TPRN: variants seen among roughly 807,000 people sequenced by gnomAD.
TPRN encodes chromosome 9 open reading frame 75.
In TPRN, 32 loss-of-function variants were observed where a neutral mutation model predicts 42.6. The observed-to-expected ratio is 0.75, with a 90% CI of 0.57 to 1.01. The LOEUF (loss-of-function observed/expected upper bound fraction) is 1.01. TPRN is among the 50% of genes least tolerant of loss of function. The pLI, the probability that TPRN is intolerant of heterozygous loss-of-function variation, is 0.00. For synonymous variants in TPRN, 541 were observed against 445.6 expected (o/e 1.21, Z -2.70); for missense variants, 1,095 against 957.5 (o/e 1.14, Z -1.90).
intron 1 of TPRN, chr9:137,194,411 C>G (rs548552784): frequency 6.6e-6 from 1 of 152,466 alleles, no homozygotes; most frequent in East Asian, 1.9e-4. Context: ...GGCTAGAGCT[C>G]TCCCACAGCC....
chr9:137,192,951 C>T, intron 1 of TPRN: 4 of 544,838 alleles, frequency 7.3e-6, no homozygotes, highest in Admixed American at 3.2e-5. Context: ...AGCCCAAAGC[C>T]TCTGGGTCCC....
At chr9:137,192,764 G>A in intron 1 of TPRN, 73 bp from the exon 2 acceptor site, 2 of 1,556,916 alleles carry the variant, frequency 1.3e-6, no homozygotes, top group South Asian at 2.2e-5. Flanking sequence ...CTCAGGTTCA[G>A]CCCTCAGGAT....
intron 1 of TPRN, chr9:137,194,172 A>G (rs2131350015): frequency 6.6e-6 from 1 of 152,410 alleles, no homozygotes; most frequent in South Asian, 2.1e-4. Context: ...CAGACAAAAC[A>G]AGGAGGAAAG....
In TPRN at chr9:137,197,152, G is replaced by A. The variant is rs989734690; in HGVS notation, c.1725+1835C>T. On this transcript the variant is annotated intron_variant, in intron 1 of 3. Transcript: ENST00000409012. ...CTCACTCTGTCGCCCAGGCTGGAGT[G>A]CAATGGCGCGATCTCGGCTCACTGC... Among the ~76,000 whole-genome samples, 4 of 152,270 alleles carry A rather than the reference G, an allele frequency of 2.6e-5. No homozygotes were observed. In the South Asian group the frequency reaches 8.3e-4, roughly 32 times the overall value.
In TPRN at chr9:137,199,251, G is replaced by T; in HGVS notation, c.1461C>A (p.Pro487=). 1 of 1,612,786 alleles carries T rather than the reference G, an allele frequency of 6.2e-7. No individual in the cohort carries two copies. The highest frequency in any genetic ancestry group is 8.5e-7 in the Non-Finnish European group (1 of 1,180,010). Reference sequence around the variant, plus strand: ...GGGGCTGAAGCTCTGCCACGCACCCGGGCCTGGCAGGGTGCAGAGGCCTGG... The same window carrying T: ...GGGGCTGAAGCTCTGCCACGCACCCTGGCCTGGCAGGGTGCAGAGGCCTGG... The part of the protein sequence containing the change: ...HPARPLHPAR[P]GCVAELQPRG... Residue 487 remains proline (P), a synonymous_variant, in exon 1 of 4, where the codon CCC becomes CCA. Coordinates refer to ENST00000409012, the MANE Select transcript of TPRN (RefSeq NM_001128228.3).
rs376750243 is a variant in TPRN at position 137,192,711 on chromosome 9, G to A, written c.1726-20C>T. On this transcript the variant is annotated intron_variant, in intron 1 of 3. Transcript: ENST00000409012. ...CTTCATCTGGGAGTGAGAGTCACGT[G>A]AACGAGGGCTGAGGGCCCACATGGG... The A allele has an allele frequency of 8.3e-5, 134 of 1,612,622 alleles. No homozygotes were observed. Among genetic ancestry groups the A allele is most frequent in the Admixed American group, 1.2e-4 (7 of 60,002 alleles).
chr9:137,199,317 C>G lies in TPRN; in HGVS notation c.1395G>C (p.Glu465Asp). Reference protein sequence around the residue: ...VTFIDEVDSEEAPQAAKLPYL... With the variant: ...VTFIDEVDSEDAPQAAKLPYL... Reference sequence around the variant, plus strand: ...AGGGTAGTTTGGCTGCTTGGGGGGCCTCCTCCGAGTCTACCTCATCGATGA... The same window carrying G: ...AGGGTAGTTTGGCTGCTTGGGGGGCGTCCTCCGAGTCTACCTCATCGATGA... Residue 465 changes from glutamate to aspartate, a missense_variant, in exon 1 of 4, where the codon GAG (glutamate) becomes GAC (aspartate). Glu to Asp is a conservative substitution (Grantham distance 45). Transcript: ENST00000409012. 1.2e-6 allele frequency: 2 copies of G among 1,612,576 alleles called. No homozygotes were observed. The highest frequency in any genetic ancestry group is 8.5e-7 in the Non-Finnish European group (1 of 1,179,990).
In TPRN at chr9:137,199,964, G is replaced by T. The variant is rs989616679; in HGVS notation, c.748C>A (p.Pro250Thr). 5 of 1,481,020 alleles carry T rather than the reference G, an allele frequency of 3.4e-6. No homozygotes were observed. In the African/African-American group the frequency reaches 7.0e-5, roughly 21 times the overall value. 91.7% of individuals were successfully genotyped at this position (1,481,020 alleles called of 1,614,324 possible). A position where few individuals can be genotyped will look rare whatever the true frequency, so the allele number is the denominator to read the frequency against. Residue 250 changes from proline to threonine, a missense_variant, in exon 1 of 4, where the codon CCA becomes ACA. Physicochemically the swap from Pro to Thr is conservative, Grantham distance 38. Transcript: ENST00000409012. ...GAGGGATCCCCCGACTCCACCTTTG[G>T]CTTCCACTGTCCCGACCCAGGCGGG... ...GSPPGSGQWK[P>T]KVESGDPSLH...
rs1564383260 is a variant in TPRN, at chr9:137,192,560, C to T, written c.1857G>A (p.Glu619=). The part of the protein sequence containing the change: ...EEEEEEEEEE[E]EEGSGSEEKP... ...TCTCCTCTGAGCCGGATCCCTCTTC[C>T]TCCTCTTCCTCTTCCTCCTCCTCCT... Residue 619 remains glutamate, a synonymous_variant, in exon 2 of 4, where the codon GAG becomes GAA. Coordinates refer to ENST00000409012, the MANE Select transcript of TPRN (RefSeq NM_001128228.3). The T allele has an allele frequency of 1.2e-6, 2 of 1,611,242 alleles. No individual in the cohort carries two copies. The highest frequency in any genetic ancestry group is 1.1e-5 in the South Asian group (1 of 90,828).
Position 137,199,838 on chromosome 9 carries a change from T to G in TPRN, c.874A>C (p.Ser292Arg). The change falls in exon 1 of 4, where the codon AGC becomes CGC. Residue 292 changes from serine (S) to arginine (R), a missense_variant. By Grantham distance (110) the Ser-to-Arg change is moderately radical. Transcript: ENST00000409012. Reference protein sequence around the residue: ...SQRQCVSAATSTNDSFEIRPA... With the variant: ...SQRQCVSAATRTNDSFEIRPA... Reference sequence around the variant, plus strand: ...CGTATCTCGAAGGAGTCGTTGGTGCTGGTGGCTGCGGAGACGCACTGGCGC... The same window carrying G: ...CGTATCTCGAAGGAGTCGTTGGTGCGGGTGGCTGCGGAGACGCACTGGCGC... The G allele has an allele frequency of 7.0e-7, 1 of 1,434,828 alleles. No homozygotes were observed. Among genetic ancestry groups the G allele is most frequent in the African/African-American group, 1.5e-5 (1 of 67,702 alleles). 88.9% of individuals were successfully genotyped at this position (1,434,828 alleles called of 1,614,324 possible). A position where few individuals can be genotyped will look rare whatever the true frequency, so the allele number is the denominator to read the frequency against.
rs79755193 is a variant in TPRN at position 137,199,360 on chromosome 9, G to A, written c.1352C>T (p.Pro451Leu). The A allele has an allele frequency of 3.7e-5, 59 of 1,612,730 alleles. No individual in the cohort carries two copies. In the African/African-American group the frequency reaches 4.1e-4, roughly 11 times the overall value. The part of the protein sequence containing the change: ...LAKNSREYVR[P>L]GLPVTFIDEV... ...ATCGATGAAGGTGACAGGCAGCCCCGGCCTCACATATTCCCGGCTATTCTT... is the reference window on the plus strand; with the variant it reads ...ATCGATGAAGGTGACAGGCAGCCCCAGCCTCACATATTCCCGGCTATTCTT... Residue 451 changes from proline to leucine, a missense_variant, in exon 1 of 4, where the codon CCG becomes CTG. Pro to Leu is a moderately conservative substitution (Grantham distance 98). Coordinates refer to ENST00000409012, the MANE Select transcript of TPRN (RefSeq NM_001128228.3).
rs1834781677 is a variant in TPRN, at chr9:137,200,138, G to A, written c.574C>T (p.Arg192Trp). 6.5e-6 allele frequency: 8 copies of A among 1,224,844 alleles called. No homozygotes were observed. Among genetic ancestry groups the A allele is most frequent in the African/African-American group, 1.6e-5 (1 of 63,360 alleles). 75.9% of individuals were successfully genotyped at this position (1,224,844 alleles called of 1,614,324 possible). A position where few individuals can be genotyped will look rare whatever the true frequency, so the allele number is the denominator to read the frequency against. Residue 192 changes from arginine to tryptophan, a missense_variant, in exon 1 of 4, where the codon CGG becomes TGG. Transcript: ENST00000409012. This position sits in a 1 kb window ranked among gnomAD's most constrained non-coding sequence, Gnocchi z 4.3. Reference sequence around the variant, plus strand: ...GTCTTCTGGAGGAAGTCGCTGCGCCGGGCCCCGGGGCTCGCCCCGCCACCG... The same window carrying A: ...GTCTTCTGGAGGAAGTCGCTGCGCCAGGCCCCGGGGCTCGCCCCGCCACCG... ...PRGGGASPGA[R>W]RSDFLQKTGS...
Position 137,192,958 on chromosome 9 carries a change from TC to T in TPRN, c.1726-268del, listed in dbSNP as rs1002088534. The T allele has an allele frequency of 1.3e-5, 7 of 533,382 alleles. No homozygotes were observed. In the African/African-American group the frequency reaches 1.3e-4, roughly 10 times the overall value. The allele number at this position is 533,382 out of a possible 1,614,324, so 33.0% of individuals were successfully genotyped here. A position where few individuals can be genotyped will look rare whatever the true frequency, so the allele number is the denominator to read the frequency against. On this transcript the variant is annotated intron_variant, in intron 1 of 3. Coordinates refer to ENST00000409012, the MANE Select transcript of TPRN (RefSeq NM_001128228.3). ...GGACCAGGAGCCCAAAGCCTCTGGG[TC>T]CCCAGAAGCCTCTAGACCAGCTCCT... is the stretch of plus-strand genomic sequence containing the variant.
At position 137,200,372 on chromosome 9, in the gene TPRN, C is replaced by T; in HGVS notation, c.340G>A (p.Gly114Arg). Reference sequence around the variant, plus strand: ...TCGGCGGCGCGGATCTGCGCGGCCCCCGGGGCGGGCGGCGCGGGCGGGAAG... The same window carrying T: ...TCGGCGGCGCGGATCTGCGCGGCCCTCGGGGCGGGCGGCGCGGGCGGGAAG... ...PGFPPAPPAP[G>R]AAQIRAAEVL... Residue 114 changes from glycine to arginine, a missense_variant, in exon 1 of 4, where the codon GGG becomes AGG. Gly to Arg is a moderately radical substitution (Grantham distance 125). Coordinates refer to ENST00000409012, the MANE Select transcript of TPRN (RefSeq NM_001128228.3). This position sits in a 1 kb window ranked among gnomAD's most constrained non-coding sequence, Gnocchi z 4.3. 1 of 1,073,750 alleles carries T rather than the reference C, an allele frequency of 9.3e-7. No individual in the cohort carries two copies. The highest frequency in any genetic ancestry group is 1.1e-6 in the Non-Finnish European group (1 of 891,596). The allele number at this position is 1,073,750 out of a possible 1,614,324, so 66.5% of individuals were successfully genotyped here. A position where few individuals can be genotyped will look rare whatever the true frequency, so the allele number is the denominator to read the frequency against.
At position 137,199,202 on chromosome 9, in the gene TPRN, CCACTGTGAAGG is replaced by C; in HGVS notation, c.1499_1509del (p.Thr500SerfsTer32). ...AGAGTCCCTGGCTTCCTCTTGGGCA[CCACTGTGAAGG>C]TGTTGCTGCCCCGGGGCTGAAGCTC... On this transcript the variant is annotated frameshift_variant, in exon 1 of 4. Coordinates refer to ENST00000409012, the MANE Select transcript of TPRN (RefSeq NM_001128228.3). LOFTEE classifies it high-confidence loss of function. The C allele has an allele frequency of 6.2e-7, 1 of 1,613,202 alleles. No homozygotes were observed. The highest frequency in any genetic ancestry group is 8.5e-7 in the Non-Finnish European group (1 of 1,180,026).
At chr9:137,196,662 G>A (rs974612256) in intron 1 of TPRN, among the ~76,000 whole-genome samples, 4 of 152,160 alleles carry the variant, frequency 2.6e-5, no homozygotes, top group African/African-American at 9.7e-5. Context: ...GGGGCACCTC[G>A]CACCCCCACC....
Position 137,200,260 on chromosome 9 carries a change from C to A in TPRN, c.452G>T (p.Ser151Ile). 1.0e-6 allele frequency: 1 copy of A among 976,208 alleles called. No individual in the cohort carries two copies. The highest frequency in any genetic ancestry group is 1.2e-6 in the Non-Finnish European group (1 of 826,088). The allele number at this position is 976,208 out of a possible 1,614,324, so 60.5% of individuals were successfully genotyped here. Residue 151 changes from serine (S) to isoleucine (I), a missense_variant, in exon 1 of 4, where the codon AGC (serine) becomes ATC (isoleucine). By Grantham distance (142) the Ser-to-Ile change is moderately radical. Transcript: ENST00000409012. The surrounding 1 kb of genome is among the most constrained non-coding windows in gnomAD (Gnocchi z 4.3). The stretch of plus-strand genomic sequence containing the variant: ...CGGCGGGGGGCGGGCGCGCTCGGGG[C>A]TCCCGCGGCGGCGCGGCGCGGCGGG... ...DPPAAPRRRGSPERARPPPPP... is the reference protein window; with the variant it reads ...DPPAAPRRRGIPERARPPPPP...
intron 1 of TPRN, among the ~76,000 whole-genome samples, chr9:137,197,353 G>A (rs980772131): frequency 6.6e-6 from 1 of 151,936 alleles, no homozygotes; most frequent in African/African-American, 2.4e-5. Context: ...CACCCGCCTC[G>A]GCCTCCCAAA....
At chr9:137,198,853 C>A in intron 1 of TPRN, 134 bp downstream of exon 1, 1 of 1,546,068 alleles carries the variant, frequency 6.5e-7, no homozygotes, top group Middle Eastern at 2.3e-4. Context: ...CCAGCCCCAG[C>A]TCGCCTCAAG....
Sources: allele counts gnomAD v4.1 joint callset (sites outside exome capture counted in the v4.1 genomes callset), GRCh38; gene constraint gnomAD v4.1.1; non-coding constraint Gnocchi (gnomAD v3.1); transcripts MANE v1.5; gene names NCBI Gene and HGNC (gene_info 2026-07-23, HGNC 2026-07-21).